Variants in CACNA2D3 observed in about 807,000 individuals in gnomAD.
CACNA2D3 encodes the protein calcium voltage-gated channel auxiliary subunit alpha2delta 3.
A neutral mutation model predicts 160.6 loss-of-function variants in CACNA2D3; 60 were observed. The ratio of observed to expected loss-of-function variants is 0.37; its 90% CI spans 0.30 to 0.46. CACNA2D3 has a LOEUF of 0.46. Ranked by LOEUF, CACNA2D3 falls within the 20% of genes least tolerant of loss-of-function variation. The pLI is 1.00. For missense variants in CACNA2D3, 1,205 were observed against 1,365.0 expected, an observed-to-expected ratio of 0.88 and a Z score of 1.85; for synonymous variants, 558 against 492.9, an observed-to-expected ratio of 1.13 and a Z score of -1.75.
intron 14 of CACNA2D3, among the ~76,000 whole-genome samples, chr3:54,817,867 T>C (rs556411390): frequency 1.3e-5 from 2 of 152,346 alleles, no homozygotes; most frequent in East Asian, 3.9e-4. Flanking sequence ...TGGTAATGTT[T>C]GATTACACTT....
intron 4 of CACNA2D3, among the ~76,000 whole-genome samples, chr3:54,499,245 G>A (rs1426848671): frequency 6.6e-6 from 1 of 152,010 alleles, no homozygotes; most frequent in African/African-American, 2.4e-5. Flanking sequence ...GATTGCACTG[G>A]GGCAGAACTC....
intron 5 of CACNA2D3, among the ~76,000 whole-genome samples, chr3:54,534,438 C>G (rs1701855267): frequency 1.3e-5 from 2 of 152,146 alleles, no homozygotes; most frequent in African/African-American, 4.8e-5. Context: ...CCCCTGCTCA[C>G]TCGGAGCTGT....
In CACNA2D3 at chr3:54,843,978, A is replaced by G. The variant is rs1698877041; in HGVS notation, c.1552-2415A>G. On this transcript the variant is annotated intron_variant, in intron 16 of 37. Transcript: ENST00000474759. ...GAAGAGATGACCACTACCCTGTTGG[A>G]TACTTGGTTTGCCACTGAAGGGGGA... Among the ~76,000 whole-genome samples the G allele has an allele frequency of 2.0e-5, 3 of 152,122 alleles. No homozygotes were observed. The South Asian group carries it at 6.2e-4, about 32-fold the overall frequency.
At chr3:54,585,900 A>G (rs1702751741) in intron 9 of CACNA2D3, among the ~76,000 whole-genome samples, 1 of 151,830 alleles carries the variant, frequency 6.6e-6, no homozygotes, top group South Asian at 2.1e-4. Flanking sequence ...GTCAAGGCAG[A>G]GATTGTTTGA....
intron 2 of CACNA2D3, among the ~76,000 whole-genome samples, chr3:54,208,993 A>C (rs1291440768): frequency 6.6e-6 from 1 of 152,198 alleles, no homozygotes; most frequent in Non-Finnish European, 1.5e-5. Flanking sequence ...GTTTCTCCTT[A>C]TAAAACCATC....
chr3:54,816,797 A>C, intron 13 of CACNA2D3, 56 bp from the exon 14 acceptor site: 4 of 1,588,116 alleles, frequency 2.5e-6, no homozygotes. Context: ...ACCATTAATT[A>C]CTTATATAAT....
chr3:54,230,299 C>T (rs1480919814), intron 2 of CACNA2D3, among the ~76,000 whole-genome samples: 2 of 152,078 alleles, frequency 1.3e-5, no homozygotes, highest in African/African-American at 4.8e-5. Context: ...TTCCTAGCTT[C>T]TTATTTAAGC....
chr3:54,865,111 A>G (rs1251850784), intron 17 of CACNA2D3, among the ~76,000 whole-genome samples: 1 of 152,208 alleles, frequency 6.6e-6, no homozygotes, highest in Non-Finnish European at 1.5e-5. Flanking sequence ...AAAGCAGAAC[A>G]AGATTAGTTA....
intron 27 of CACNA2D3, among the ~76,000 whole-genome samples, chr3:54,950,072 GGTT>G (rs1701718356): frequency 6.6e-6 from 1 of 152,198 alleles, no homozygotes; most frequent in Non-Finnish European, 1.5e-5. Context: ...CATGCTAAGT[GGTT>G]GGCACCTGAA....
chr3:54,502,173 T>G (rs1701305482), intron 4 of CACNA2D3, among the ~76,000 whole-genome samples: 1 of 152,262 alleles, frequency 6.6e-6, no homozygotes. Flanking sequence ...TAGCTTGATT[T>G]TTGTCATTAA....
chr3:54,732,243 G>T (rs1282704785), intron 11 of CACNA2D3, among the ~76,000 whole-genome samples: 1 of 152,228 alleles, frequency 6.6e-6, no homozygotes, highest in Non-Finnish European at 1.5e-5. Flanking sequence ...AGAATGTTCA[G>T]GACGACAAAG....
chr3:54,745,094 C>T (rs1240562987), intron 11 of CACNA2D3, among the ~76,000 whole-genome samples: 3 of 152,190 alleles, frequency 2.0e-5, no homozygotes, highest in African/African-American at 7.2e-5. Context: ...CCATAGTTCC[C>T]TAGAAGCAGA....
chr3:54,937,130 C>G (rs1361714653), intron 27 of CACNA2D3, among the ~76,000 whole-genome samples: 1 of 152,128 alleles, frequency 6.6e-6, no homozygotes, highest in East Asian at 1.9e-4. Context: ...TGAAGACACC[C>G]TTACTTAAAA....
At chr3:54,685,080 C>G (rs901332496) in intron 11 of CACNA2D3, among the ~76,000 whole-genome samples, 2 of 152,072 alleles carry the variant, frequency 1.3e-5, no homozygotes, top group Non-Finnish European at 2.9e-5. Context: ...TGGAAAATGA[C>G]GAGGCTCCAG....
At chr3:54,268,476 G>A (rs1018391723) in intron 2 of CACNA2D3, among the ~76,000 whole-genome samples, 3 of 152,234 alleles carry the variant, frequency 2.0e-5, no homozygotes, top group South Asian at 2.1e-4. Flanking sequence ...GTGGCGCAAT[G>A]TTGGCTCACT....
intron 32 of CACNA2D3, among the ~76,000 whole-genome samples, chr3:55,006,051 T>TG (rs1175768749): frequency 6.6e-6 from 1 of 152,178 alleles, no homozygotes; most frequent in Admixed American, 6.5e-5. Context: ...GCAACTAAAA[T>TG]GAATATTTTG....
intron 5 of CACNA2D3, among the ~76,000 whole-genome samples, chr3:54,561,484 T>C (rs2106704167): frequency 6.6e-6 from 1 of 152,312 alleles, no homozygotes; most frequent in East Asian, 1.9e-4. Flanking sequence ...GGGCTGGGAC[T>C]GTGGGGTTTT....
At chr3:54,711,025 T>C (rs770938494) in intron 11 of CACNA2D3, among the ~76,000 whole-genome samples, 6 of 152,100 alleles carry the variant, frequency 3.9e-5, no homozygotes, top group Non-Finnish European at 7.3e-5. Context: ...AATTGAACTT[T>C]TGCCATCAAA....
intron 2 of CACNA2D3, among the ~76,000 whole-genome samples, chr3:54,185,515 A>C (rs763786421): frequency 2.6e-5 from 4 of 152,212 alleles, no homozygotes; most frequent in Non-Finnish European, 5.9e-5. Flanking sequence ...TTTAGAGGTC[A>C]GTAACATGAC....
Sources: allele counts gnomAD v4.1 joint callset (sites outside exome capture counted in the v4.1 genomes callset), GRCh38; gene constraint gnomAD v4.1.1; transcripts MANE v1.5; gene names NCBI Gene and HGNC (gene_info 2026-07-23, HGNC 2026-07-21).